Variants in BARD1 observed in about 807,000 individuals in gnomAD.
The protein encoded by BARD1 is BRCA1-associated RING domain protein 1.
Under a neutral mutation model 77.0 loss-of-function variants are expected in BARD1, and 73 were observed. The observed-to-expected ratio is 0.95, with a 90% CI of 0.79 to 1.15. The LOEUF is 1.15. Ranked by LOEUF, BARD1 falls within the 50% of genes most tolerant of loss-of-function variation. The pLI is 0.00. For missense variants in BARD1, 993 were observed against 938.8 expected (o/e 1.06, Z -0.75); for synonymous variants, 384 against 338.0 (o/e 1.14, Z -1.49).
intron 3 of BARD1, among the ~76,000 whole-genome samples, chr2:214,790,662 C>T (rs898511734): frequency 6.6e-6 from 1 of 152,178 alleles, no homozygotes; most frequent in Admixed American, 6.5e-5. Flanking sequence ...CATTACTATA[C>T]AGCAACTGGT....
rs1696463841 is a variant in BARD1, at chr2:214,809,487, G to A, written c.83C>T (p.Pro28Leu). 2 of 1,608,704 alleles carry A rather than the reference G, an allele frequency of 1.2e-6. No individual in the cohort carries two copies. Among genetic ancestry groups the A allele is most frequent in the Non-Finnish European group, 1.7e-6 (2 of 1,178,616 alleles). The change falls in exon 1 of 11, where the codon CCG (proline) becomes CTG (leucine). Residue 28 changes from proline (P) to leucine (L), a missense_variant. Physicochemically the swap from Pro to Leu is moderately conservative, Grantham distance 98 (BLOSUM62 -3). Coordinates refer to ENST00000260947, the MANE Select transcript of BARD1 (RefSeq NM_000465.4). ...NEPRSAPAMEPDGRGAWAHSR... is the reference protein window; with the variant it reads ...NEPRSAPAMELDGRGAWAHSR... ...GTGGGCCCAGGCACCGCGACCATCC[G>A]GTTCCATGGCGGGCGCGGAACGAGG...
intron 1 of BARD1, among the ~76,000 whole-genome samples, chr2:214,807,077 A>G (rs1435432423): frequency 6.6e-6 from 1 of 152,168 alleles, no homozygotes; most frequent in African/African-American, 2.4e-5. Flanking sequence ...GTAAAAATAA[A>G]TAAGAACAAA....
At chr2:214,793,190 C>A (rs1276475254) in intron 2 of BARD1, among the ~76,000 whole-genome samples, 3 of 152,146 alleles carry the variant, frequency 2.0e-5, no homozygotes, top group African/African-American at 7.2e-5. Flanking sequence ...CTTCCCCAAG[C>A]ACCACAGGAC....
chr2:214,746,277 GA>G (rs1408293168), intron 7 of BARD1, among the ~76,000 whole-genome samples: 16 of 152,060 alleles, frequency 1.1e-4, no homozygotes, highest in Non-Finnish European at 1.5e-5. Flanking sequence ...AAAAATCAAA[GA>G]ATGCCAAGGC....
intron 9 of BARD1, among the ~76,000 whole-genome samples, chr2:214,736,512 C>T (rs1432610421): frequency 6.6e-6 from 1 of 152,082 alleles, no homozygotes; most frequent in Non-Finnish European, 1.5e-5. Context: ...TCTACTGTAT[C>T]GAATGAATGG....
intron 6 of BARD1, among the ~76,000 whole-genome samples, chr2:214,766,620 G>A (rs1043847486): frequency 1.7e-5 from 1 of 60,180 alleles, no homozygotes; most frequent in African/African-American, 6.1e-5. Context: ...TCCTCAACCC[G>A]TGATGTCAAA....
intron 6 of BARD1, among the ~76,000 whole-genome samples, chr2:214,763,217 G>C (rs1694042183): frequency 6.6e-6 from 1 of 152,056 alleles, no homozygotes; most frequent in Non-Finnish European, 1.5e-5. Context: ...AAAACTCGAA[G>C]TTCTTCTTCT....
At position 214,767,499 on chromosome 2, in the gene BARD1, T is replaced by G; in HGVS notation, c.1551A>C (p.Gly517=). 1 of 1,613,718 alleles carries G rather than the reference T, an allele frequency of 6.2e-7. No homozygotes were observed. Among genetic ancestry groups the G allele is most frequent in the South Asian group, 1.1e-5 (1 of 91,068 alleles). Reference sequence around the variant, plus strand: ...CTACTTACACAGCATTTCTGGAGGCTCCATAGGAAAGTAACAGCTTGACTA... The same window carrying G: ...CTACTTACACAGCATTTCTGGAGGCGCCATAGGAAAGTAACAGCTTGACTA... ...VDIVKLLLSY[G]ASRNAVNIFG... is the part of the protein sequence containing the mutation. Residue 517 remains glycine, a synonymous_variant, in exon 6 of 11, where the codon GGA becomes GGC. Coordinates refer to ENST00000260947, the MANE Select transcript of BARD1 (RefSeq NM_000465.4).
At chr2:214,798,274 G>A (rs560793819) in intron 1 of BARD1, among the ~76,000 whole-genome samples, 52 of 152,116 alleles carry the variant, frequency 3.4e-4, no homozygotes, top group African/African-American at 1.1e-3. Flanking sequence ...GCTCACTGAC[G>A]TTACAAAACC....
intron 3 of BARD1, among the ~76,000 whole-genome samples, chr2:214,786,187 T>C (rs889354173): frequency 1.3e-5 from 2 of 152,026 alleles, no homozygotes; most frequent in African/African-American, 4.8e-5. Context: ...AGGTGTTCAA[T>C]AACATTTTCA....
Position 214,745,117 on chromosome 2 carries a change from A to C in BARD1, c.1853T>G (p.Leu618Trp), listed in dbSNP as rs1553614952. The C allele has an allele frequency of 6.2e-7, 1 of 1,614,126 alleles. No individual in the cohort carries two copies. Among genetic ancestry groups the C allele is most frequent in the Non-Finnish European group, 8.5e-7 (1 of 1,179,998 alleles). Residue 618 changes from leucine (L) to tryptophan (W), a missense_variant, in exon 9 of 11, where the codon TTG becomes TGG. Leu to Trp is a moderately conservative substitution (Grantham distance 61). Coordinates refer to ENST00000260947, the MANE Select transcript of BARD1 (RefSeq NM_000465.4). ...ATTGAGAATCCCAAGCATACACTTC[A>C]AGGTACTTTGAACTGCATCACCAGG... ...VVPGDAVQST[L>W]KCMLGILNGC...
intron 6 of BARD1, among the ~76,000 whole-genome samples, chr2:214,764,828 T>G (rs1313691589): frequency 6.6e-6 from 1 of 152,034 alleles, no homozygotes; most frequent in African/African-American, 2.4e-5. Flanking sequence ...TGAACAACAA[T>G]GACTACGACA....
chr2:214,765,997 T>C (rs921568677), intron 6 of BARD1, among the ~76,000 whole-genome samples: 1 of 152,210 alleles, frequency 6.6e-6, no homozygotes, highest in African/African-American at 2.4e-5. Context: ...TCTGTTACCA[T>C]TGAAAACTTA....
At chr2:214,803,293 C>G (rs1559447868) in intron 1 of BARD1, among the ~76,000 whole-genome samples, 1 of 152,074 alleles carries the variant, frequency 6.6e-6, no homozygotes, top group African/African-American at 2.4e-5. Flanking sequence ...GTCCCCCAGC[C>G]CGACACCCGT....
chr2:214,772,345 C>G (rs6717301), intron 4 of BARD1, among the ~76,000 whole-genome samples: 27,497 of 152,018 alleles, frequency 0.18, 2,686 homozygotes, highest in East Asian at 0.42. Flanking sequence ...AACAAGTGAG[C>G]AGATAAACTG....
At position 214,809,411 on chromosome 2, in the gene BARD1, C is replaced by A. The variant is rs1553628351; in HGVS notation, c.158+1G>T. The A allele has an allele frequency of 6.2e-7, 1 of 1,612,472 alleles. No homozygotes were observed. Among genetic ancestry groups the A allele is most frequent in the Non-Finnish European group, 8.5e-7 (1 of 1,179,836 alleles). ...CCACCCCCAAGAAGCTCCGTCTTTA[C>A]CAACGCGAGCAGCGCAGCAGCTTCT... is the stretch of plus-strand genomic sequence containing the variant. On this transcript the variant is annotated splice_donor_variant, in intron 1 of 10. Coordinates refer to ENST00000260947, the MANE Select transcript of BARD1 (RefSeq NM_000465.4). LOFTEE classifies it high-confidence loss of function.
At chr2:214,808,008 G>A (rs1349400934) in intron 1 of BARD1, among the ~76,000 whole-genome samples, 3 of 152,210 alleles carry the variant, frequency 2.0e-5, no homozygotes, top group Non-Finnish European at 4.4e-5. Context: ...ACTTATCTGA[G>A]TGTCACTTTT....
At chr2:214,780,038 A>G (rs77168341) in intron 4 of BARD1, among the ~76,000 whole-genome samples, 7,984 of 152,292 alleles carry the variant, frequency 0.052, 232 homozygotes, top group Admixed American at 0.083. Flanking sequence ...TAAAAGGAAC[A>G]GCTGATTGTA....
intron 3 of BARD1, among the ~76,000 whole-genome samples, chr2:214,787,326 T>C (rs922122989): frequency 2.0e-5 from 3 of 151,916 alleles, no homozygotes; most frequent in African/African-American, 7.2e-5. Flanking sequence ...ATGTAATTGA[T>C]ATGAACACAA....
Sources: gnomAD v4.1 joint callset for allele counts (sites outside exome capture counted in the v4.1 genomes callset) on GRCh38, gnomAD v4.1.1 for gene constraint, MANE v1.5 for transcripts, NCBI Gene and HGNC (gene_info 2026-07-23, HGNC 2026-07-21) for gene names.